Variants in TTC8 observed in about 807,000 individuals in gnomAD.
The protein encoded by TTC8 is tetratricopeptide repeat domain 8, also known as tetratricopeptide repeat protein 8.
Under a neutral mutation model 72.5 loss-of-function variants are expected in TTC8, and 47 were observed. That is an observed-to-expected ratio of 0.65 (90% CI 0.51 to 0.83). The LOEUF (loss-of-function observed/expected upper bound fraction) is 0.83, where lower values mean the gene tolerates loss of function less well. Ranked by LOEUF, TTC8 falls within the 40% of genes least tolerant of loss-of-function variation. The pLI is 0.00. For synonymous variants in TTC8, 199 were observed against 221.4 expected (o/e 0.90, Z 0.90); for missense variants, 611 against 623.2 (o/e 0.98, Z 0.21).
intron 1 of TTC8, among the ~76,000 whole-genome samples, chr14:88,825,260 G>C (rs2094693994): frequency 6.6e-6 from 1 of 152,154 alleles, no homozygotes; most frequent in South Asian, 2.1e-4. Context: ...CTTTTGGATC[G>C]AACATGTGAT....
rs2094931467 is a variant in TTC8, at chr14:88,871,027, A to C, written c.1050-522A>C. Among the ~76,000 whole-genome samples, 1 of 152,224 alleles carries C rather than the reference A, an allele frequency of 6.6e-6. No homozygotes were observed. On this transcript the variant is annotated intron_variant, in intron 11 of 14. Coordinates refer to ENST00000380656, the MANE Select transcript of TTC8 (RefSeq NM_144596.4). The surrounding 1 kb of genome is among the most constrained non-coding windows in gnomAD (Gnocchi z 4.1). ...GCTCTTGAGCTGCAGTGTGAGAGCTAAGTGGATAATGTAAGGATCCGCTGA... is the reference window on the plus strand; with the variant it reads ...GCTCTTGAGCTGCAGTGTGAGAGCTCAGTGGATAATGTAAGGATCCGCTGA...
chr14:88,850,799 G>T (rs1260796421), intron 7 of TTC8, among the ~76,000 whole-genome samples: 2 of 152,216 alleles, frequency 1.3e-5, no homozygotes, highest in South Asian at 2.1e-4. Flanking sequence ...CAATATGCGT[G>T]ACCTCGGTCT....
chr14:88,842,244 A>G (rs1457330633), intron 6 of TTC8, among the ~76,000 whole-genome samples: 2 of 152,236 alleles, frequency 1.3e-5, no homozygotes, highest in East Asian at 3.8e-4. Flanking sequence ...ATCTCTGAGC[A>G]TAAGTGCTGA....
chr14:88,850,919 A>G (rs1185292164), intron 7 of TTC8, among the ~76,000 whole-genome samples: 1 of 152,190 alleles, frequency 6.6e-6, no homozygotes, highest in African/African-American at 2.4e-5. Context: ...AAAATCATAA[A>G]TCAGTACATG....
intron 2 of TTC8, chr14:88,836,928 G>T (rs2140968167): frequency 5.2e-6 from 1 of 191,748 alleles, no homozygotes; most frequent in South Asian, 6.2e-5. Flanking sequence ...GGGCGTGGTG[G>T]CACGTGCCTG....
intron 8 of TTC8, 74 bp downstream of exon 8, chr14:88,853,130 G>A (rs761458994): frequency 9.3e-6 from 10 of 1,080,546 alleles, no homozygotes; most frequent in Middle Eastern, 2.0e-4. Flanking sequence ...ACTTTTTGAG[G>A]GGGGGGAGAT....
chr14:88,824,746 C>G lies in TTC8; in HGVS notation c.39C>G (p.Ser13Arg). ...SEMEPLLLAW[S>R]YFRRRKFQLC... ...TGGAGCCGCTGCTCCTGGCCTGGAGCTATTTTAGGCGCAGGAAGTTCCAGC... is the reference window on the plus strand; with the variant it reads ...TGGAGCCGCTGCTCCTGGCCTGGAGGTATTTTAGGCGCAGGAAGTTCCAGC... Residue 13 changes from serine to arginine, a missense_variant, in exon 1 of 15, where the codon AGC becomes AGG. Transcript: ENST00000380656. 6.8e-6 allele frequency: 11 copies of G among 1,612,638 alleles called. No homozygotes were observed. The highest frequency in any genetic ancestry group is 9.3e-6 in the Non-Finnish European group (11 of 1,179,462).
intron 10 of TTC8, among the ~76,000 whole-genome samples, chr14:88,864,502 T>G (rs2094901479): frequency 6.6e-6 from 1 of 152,334 alleles, no homozygotes; most frequent in African/African-American, 2.4e-5. Context: ...TATTGCATGG[T>G]TGCTGGTGGG....
chr14:88,847,996 G>T (rs1595952271), intron 7 of TTC8, among the ~76,000 whole-genome samples: 1 of 151,862 alleles, frequency 6.6e-6, no homozygotes, highest in East Asian at 1.9e-4. Context: ...AATGGCAGGT[G>T]CCTGTAATCC....
At chr14:88,872,507 G>A (rs762366231) in intron 13 of TTC8, 55 bp downstream of exon 13, 1 of 1,608,222 alleles carries the variant, frequency 6.2e-7, no homozygotes, top group Non-Finnish European at 8.5e-7. Flanking sequence ...GAGAAAAGCT[G>A]TCATGTGTGG....
Position 88,857,190 on chromosome 14 carries a change from G to GT in TTC8, c.713dup (p.Leu238PhefsTer6). 1 of 1,613,664 alleles carries GT rather than the reference G, an allele frequency of 6.2e-7. No homozygotes were observed. Among genetic ancestry groups the GT allele is most frequent in the Non-Finnish European group, 8.5e-7 (1 of 1,179,786 alleles). On this transcript the variant is annotated frameshift_variant and splice_region_variant, in exon 9 of 15. Coordinates refer to ENST00000380656, the MANE Select transcript of TTC8 (RefSeq NM_144596.4). LOFTEE classifies it high-confidence loss of function. ...TAATTCTTAAAATTGCTATTTGTAG[G>GT]TTGGGAATGTATCGTGAAGCAGAAA...
chr14:88,833,745 C>T lies in TTC8; in HGVS notation c.144+23C>T, dbSNP rs768227263. The T allele has an allele frequency of 1.9e-6, 3 of 1,610,842 alleles. No homozygotes were observed. The Admixed American group carries it at 5.0e-5, about 27-fold the overall frequency. On this transcript the variant is annotated intron_variant, in intron 2 of 14. Transcript: ENST00000380656. ...CAGGTAAAGAAAGGTTTAGCTGCAA[C>T]CTTTAGTTTAGAGAATTCTTTAATG... is the stretch of plus-strand genomic sequence containing the variant.
intron 10 of TTC8, among the ~76,000 whole-genome samples, chr14:88,862,644 G>A (rs1193194505): frequency 3.2e-5 from 4 of 125,764 alleles, no homozygotes; most frequent in Non-Finnish European, 4.9e-5. Flanking sequence ...TCGCAGTGAC[G>A]TAATCATAAC....
At chr14:88,846,963 C>T (rs759968593) in intron 7 of TTC8, 39 of 199,848 alleles carry the variant, frequency 2.0e-4, no homozygotes, top group Non-Finnish European at 2.2e-4. Flanking sequence ...CCATCAGCCT[C>T]CTCCTTGCTC....
At position 88,824,808 on chromosome 14, in the gene TTC8, C is replaced by T. The variant is rs1327729787; in HGVS notation, c.101C>T (p.Ser34Phe). ...CTATGCACGCAGATGCTGGAGAAGT[C>T]CCCTTATGACCAGGTACCGGCCAGC... is the stretch of plus-strand genomic sequence containing the variant. ...ADLCTQMLEK[S>F]PYDQEPDPEL... Residue 34 changes from serine to phenylalanine, a missense_variant, in exon 1 of 15, where the codon TCC becomes TTC. Coordinates refer to ENST00000380656, the MANE Select transcript of TTC8 (RefSeq NM_144596.4). 3 of 1,613,150 alleles carry T rather than the reference C, an allele frequency of 1.9e-6. No individual in the cohort carries two copies. Among genetic ancestry groups the T allele is most frequent in the South Asian group, 1.1e-5 (1 of 90,838 alleles).
chr14:88,834,481 A>G (rs978788877), intron 2 of TTC8, among the ~76,000 whole-genome samples: 1 of 152,188 alleles, frequency 6.6e-6, no homozygotes, highest in Non-Finnish European at 1.5e-5. Flanking sequence ...TTTTTTAGGT[A>G]AATAAAAGAC....
intron 14 of TTC8, 48 bp from the exon 15 acceptor site, chr14:88,877,246 A>T (rs761197383): frequency 1.4e-6 from 2 of 1,432,506 alleles, no homozygotes; most frequent in South Asian, 2.3e-5. Context: ...TTCCTTACTC[A>T]TTTTTTTCTG....
intron 10 of TTC8, among the ~76,000 whole-genome samples, chr14:88,867,861 C>T (rs1202275393): frequency 6.6e-6 from 1 of 152,170 alleles, no homozygotes; most frequent in Non-Finnish European, 1.5e-5. Context: ...ACACTGAAGC[C>T]TAGCACTGTG....
At chr14:88,874,583 A>G (rs1045299483) in intron 13 of TTC8, among the ~76,000 whole-genome samples, 11 of 152,298 alleles carry the variant, frequency 7.2e-5, no homozygotes, top group Admixed American at 1.3e-4. Flanking sequence ...GAAATTTACA[A>G]TGGTTTTTTT....
Sources: allele counts gnomAD v4.1 joint callset (sites outside exome capture counted in the v4.1 genomes callset), GRCh38; gene constraint gnomAD v4.1.1; non-coding constraint Gnocchi (gnomAD v3.1); transcripts MANE v1.5; gene names NCBI Gene and HGNC (gene_info 2026-07-23, HGNC 2026-07-21).